KLF12: variants seen among roughly 807,000 people sequenced by gnomAD.
The protein encoded by KLF12 is KLF transcription factor 12, also known as Krueppel-like factor 12.
Under a neutral mutation model 37.8 loss-of-function variants are expected in KLF12, and 9 were observed. The observed-to-expected ratio is 0.24, with a 90% CI of 0.14 to 0.42. The LOEUF (loss-of-function observed/expected upper bound fraction) is 0.42, where lower values mean the gene tolerates loss of function less well. Ranked by LOEUF, KLF12 falls within the 10% of genes least tolerant of loss-of-function variation. KLF12 has a pLI of 1.00. For missense variants in KLF12, 411 were observed against 516.0 expected (o/e 0.80, Z 1.97); for synonymous variants, 208 against 202.1 (o/e 1.03, Z -0.25).
intron 1 of KLF12, among the ~76,000 whole-genome samples, chr13:74,053,932 G>T (rs900389640): frequency 2.0e-5 from 3 of 152,114 alleles, no homozygotes; most frequent in African/African-American, 7.2e-5. Context: ...TTCATTCTGT[G>T]GGATTAATGG....
At chr13:74,128,520 C>T (rs1878072979) in intron 1 of KLF12, among the ~76,000 whole-genome samples, 1 of 152,134 alleles carries the variant, frequency 6.6e-6, no homozygotes. Flanking sequence ...ATTGTATAAA[C>T]TCAGAGAGGT....
At chr13:73,807,095 G>A (rs1186079626) in intron 5 of KLF12, among the ~76,000 whole-genome samples, 1 of 151,930 alleles carries the variant, frequency 6.6e-6, no homozygotes, top group African/African-American at 2.4e-5. Context: ...ATCACCTGAG[G>A]CCAGGAGTTC....
chr13:73,824,739 TC>T (rs767850184), intron 4 of KLF12, among the ~76,000 whole-genome samples: 1 of 152,144 alleles, frequency 6.6e-6, no homozygotes, highest in African/African-American at 2.4e-5. Flanking sequence ...AAAGAACAAT[TC>T]CATTAGTCCG....
At chr13:74,269,544 C>T in the KLF12 span, among the ~76,000 whole-genome samples, 2 of 151,800 alleles carry the variant, frequency 1.3e-5, no homozygotes, top group Non-Finnish European at 2.9e-5. Context: ...CTCCTTGTTG[C>T]AAGAGTAAAA....
At chr13:73,995,468 T>C (rs1051304914) in intron 1 of KLF12, among the ~76,000 whole-genome samples, 4 of 152,222 alleles carry the variant, frequency 2.6e-5, no homozygotes, top group Non-Finnish European at 4.4e-5. Flanking sequence ...CTTGGCTTCA[T>C]TATTCTTAGC....
chr13:73,715,289 C>A (rs529499062), intron 7 of KLF12, 79 bp downstream of exon 7: 2 of 1,309,144 alleles, frequency 1.5e-6, no homozygotes, highest in Non-Finnish European at 2.1e-6. Context: ...TGAATGAGTA[C>A]GAAAGGCTCC....
chr13:73,925,032 G>C (rs1236978841), intron 3 of KLF12, among the ~76,000 whole-genome samples: 2 of 152,158 alleles, frequency 1.3e-5, no homozygotes, highest in African/African-American at 4.8e-5. Flanking sequence ...TCTAGAGCTT[G>C]GTTCATGAGG....
intron 1 of KLF12, among the ~76,000 whole-genome samples, chr13:74,128,067 T>C (rs1172696123): frequency 3.9e-5 from 6 of 152,238 alleles, no homozygotes; most frequent in Non-Finnish European, 8.8e-5. Context: ...TTTTCAATTT[T>C]CTGTAAATGA....
At chr13:74,182,788 G>A in the KLF12 span, among the ~76,000 whole-genome samples, 2 of 151,968 alleles carry the variant, frequency 1.3e-5, no homozygotes, top group Non-Finnish European at 2.9e-5. Flanking sequence ...GGAGTATGAA[G>A]AATGTGAAAA....
the KLF12 span, among the ~76,000 whole-genome samples, chr13:74,215,353 T>G: frequency 6.6e-6 from 1 of 151,800 alleles, no homozygotes; most frequent in Non-Finnish European, 1.5e-5. Context: ...CTGATTATTC[T>G]TCCTCTGTAT....
chr13:74,164,898 A>G, the KLF12 span, among the ~76,000 whole-genome samples: 6 of 152,322 alleles, frequency 3.9e-5, no homozygotes, highest in South Asian at 4.1e-4. Flanking sequence ...AATGATGGTT[A>G]CCAGAGGCTG....
At chr13:74,007,063 G>A (rs1892426601) in intron 1 of KLF12, among the ~76,000 whole-genome samples, 1 of 151,936 alleles carries the variant, frequency 6.6e-6, no homozygotes, top group South Asian at 2.1e-4. Context: ...TTCCATCTCT[G>A]CCTGCAGCCA....
intron 1 of KLF12, among the ~76,000 whole-genome samples, chr13:74,122,151 G>A (rs889776285): frequency 6.6e-6 from 1 of 152,054 alleles, no homozygotes; most frequent in Non-Finnish European, 1.5e-5. Flanking sequence ...AGAGATAAAA[G>A]ATCAGCTTAT....
Position 73,875,609 on chromosome 13 carries a change from T to C in KLF12, c.124-29236A>G, listed in dbSNP as rs868602847. 2.0e-5 allele frequency among the ~76,000 whole-genome samples: 3 copies of C among 152,142 alleles called. No homozygotes were observed. The East Asian group carries it at 5.8e-4, about 29-fold the overall frequency. On this transcript the variant is annotated intron_variant, in intron 3 of 7. Transcript: ENST00000377669. ...CAGGAATCTATATATGTTTATTCCA[T>C]TTACCCTATTAAATGTGTTGTATAA...
intron 3 of KLF12, among the ~76,000 whole-genome samples, chr13:73,875,059 G>A (rs1029490149): frequency 6.6e-6 from 1 of 151,824 alleles, no homozygotes; most frequent in African/African-American, 2.4e-5. Context: ...TATATCATGT[G>A]CAAAAGAATA....
chr13:74,017,557 G>A (rs983932496), intron 1 of KLF12, among the ~76,000 whole-genome samples: 1 of 135,716 alleles, frequency 7.4e-6, no homozygotes, highest in African/African-American at 2.7e-5. Flanking sequence ...CCTCCTTCCT[G>A]TCCCCCCCAC....
chr13:74,231,139 A>T, the KLF12 span, among the ~76,000 whole-genome samples: 4 of 151,822 alleles, frequency 2.6e-5, no homozygotes, highest in African/African-American at 9.7e-5. Context: ...AACCACAGTG[A>T]TCCTTATAAA....
the KLF12 span, among the ~76,000 whole-genome samples, chr13:74,229,037 A>C: frequency 6.6e-6 from 1 of 152,150 alleles, no homozygotes; most frequent in Non-Finnish European, 1.5e-5. Context: ...TGTTCTATTA[A>C]TTTATATGCT....
At chr13:73,757,400 T>C (rs1169823036) in intron 6 of KLF12, among the ~76,000 whole-genome samples, 1 of 152,220 alleles carries the variant, frequency 6.6e-6, no homozygotes, top group Non-Finnish European at 1.5e-5. Flanking sequence ...ATACTGGTCT[T>C]ACCTTAGGCA....
Sources: allele counts gnomAD v4.1 joint callset (sites outside exome capture counted in the v4.1 genomes callset), GRCh38; gene constraint gnomAD v4.1.1; transcripts MANE v1.5; gene names NCBI Gene and HGNC (gene_info 2026-07-23, HGNC 2026-07-21).